ANOS1: variants seen among roughly 807,000 people sequenced by gnomAD.
ANOS1 encodes anosmin-1.
A neutral mutation model predicts 59.0 loss-of-function variants in ANOS1; 6 were observed. That is an observed-to-expected ratio of 0.10 (90% CI 0.06 to 0.20). The LOEUF is 0.20. Among genes scored for constraint, ANOS1 ranks in the 10% least tolerant of loss-of-function variants. The pLI, the probability that ANOS1 is intolerant of heterozygous loss-of-function variation, is 1.00. For synonymous variants in ANOS1, 217 were observed against 223.4 expected (o/e 0.97, Z 0.25); for missense variants, 433 against 542.3 (o/e 0.80, Z 2.00).
intron 2 of ANOS1, among the ~76,000 whole-genome samples, chrX:8,655,995 G>A (rs191952831): frequency 2.2e-4 from 25 of 111,872 alleles, no homozygotes; most frequent in African/African-American, 8.1e-4. Flanking sequence ...TTGATTCCAG[G>A]AATCCTAGAA....
chrX:8,546,505 C>T (rs1359516913), intron 9 of ANOS1, among the ~76,000 whole-genome samples: 1 of 112,086 alleles, frequency 8.9e-6, no homozygotes, highest in East Asian at 2.8e-4. Context: ...GAGCTGTTCT[C>T]AGCTCCTAAT....
chrX:8,669,202 C>T (rs1255955709), intron 2 of ANOS1, among the ~76,000 whole-genome samples: 1 of 111,317 alleles, frequency 9.0e-6, no homozygotes, highest in Non-Finnish European at 1.9e-5. Context: ...CTTATGAAGA[C>T]AACAAGAAGA....
chrX:8,616,194 C>T (rs1217878079), intron 3 of ANOS1, among the ~76,000 whole-genome samples: 8 of 111,078 alleles, frequency 7.2e-5, no homozygotes, highest in African/African-American at 2.6e-4. Context: ...AGCTCCCTGT[C>T]GCAGAATCCG....
intron 2 of ANOS1, among the ~76,000 whole-genome samples, chrX:8,626,730 G>A (rs1183300952): frequency 1.9e-5 from 2 of 107,781 alleles, no homozygotes; most frequent in East Asian, 5.8e-4. Context: ...GCGTGGTGGC[G>A]GGCGCCTGTA....
At chrX:8,549,543 A>G (rs1381960547) in intron 9 of ANOS1, among the ~76,000 whole-genome samples, 1 of 112,511 alleles carries the variant, frequency 8.9e-6, no homozygotes, top group Non-Finnish European at 1.9e-5. Flanking sequence ...GAAAACATTG[A>G]GAGTCAGTCC....
intron 1 of ANOS1, among the ~76,000 whole-genome samples, chrX:8,704,554 A>G (rs1038070450): frequency 8.9e-6 from 1 of 112,532 alleles, no homozygotes; most frequent in Non-Finnish European, 1.9e-5. Context: ...CATTGCGTTG[A>G]GCAAGGCATT....
chrX:8,730,011 T>C (rs918545297), intron 1 of ANOS1, among the ~76,000 whole-genome samples: 1 of 111,524 alleles, frequency 9.0e-6, no homozygotes, highest in African/African-American at 3.3e-5. Flanking sequence ...GTCAGCAGTT[T>C]TTCTTCCAAA....
At chrX:8,581,706 C>A (rs1280156839) in intron 6 of ANOS1, among the ~76,000 whole-genome samples, 1 of 112,082 alleles carries the variant, frequency 8.9e-6, no homozygotes, top group Non-Finnish European at 1.9e-5. Context: ...CCCTACCTTT[C>A]TCAAGCTCAT....
At chrX:8,662,701 T>C (rs1038738810) in intron 2 of ANOS1, among the ~76,000 whole-genome samples, 1 of 112,077 alleles carries the variant, frequency 8.9e-6, no homozygotes, top group African/African-American at 3.2e-5. Context: ...AATTTGTACA[T>C]AGACAGAGAT....
chrX:8,534,357 G>A lies in ANOS1; in HGVS notation c.1946C>T (p.Thr649Met), dbSNP rs759387307. Residue 649 changes from threonine (T) to methionine (M), a missense_variant, in exon 13 of 14, where the codon ACG becomes ATG. By Grantham distance (81) the Thr-to-Met change is moderately conservative (BLOSUM62 -1). Coordinates refer to ENST00000262648, the MANE Select transcript of ANOS1 (RefSeq NM_000216.4). ...GGGTGGGAGCTCCGGCGTCCGGAAC[G>A]TCTTGATGGTGGCCGGCCCCTCCCC... ...PGGEGPATIK[T>M]FRTPELPPSS... 2.5e-5 allele frequency: 30 copies of A among 1,209,659 alleles called. 1 individual carries two copies. In the South Asian group the frequency reaches 4.4e-4, roughly 18 times the overall value.
Position 8,717,748 on chromosome X carries a change from C to T in ANOS1, c.207+14082G>A, listed in dbSNP as rs1406198342. 2.7e-5 allele frequency among the ~76,000 whole-genome samples: 3 copies of T among 112,187 alleles called. No homozygotes were observed. In the East Asian group the frequency reaches 8.4e-4, roughly 31 times the overall value. On this transcript the variant is annotated intron_variant, in intron 1 of 13. Transcript: ENST00000262648. ...TGGGCTGACCTGGCACAGTGGCTCA[C>T]ACCTGTAATCCCAGCACTTTGGGAA...
At chrX:8,701,865 ATCT>A (rs1261179413) in intron 1 of ANOS1, among the ~76,000 whole-genome samples, 2 of 111,634 alleles carry the variant, frequency 1.8e-5, no homozygotes, top group Admixed American at 9.6e-5. Context: ...AGGATTGGCA[ATCT>A]TCTTCTTCAA....
intron 6 of ANOS1, among the ~76,000 whole-genome samples, chrX:8,578,972 A>G (rs899465545): frequency 2.7e-5 from 3 of 112,425 alleles, no homozygotes; most frequent in Non-Finnish European, 5.6e-5. Flanking sequence ...ATTATTTCCC[A>G]AATTCAGCAA....
At chrX:8,604,150 G>A (rs778126936) in intron 3 of ANOS1, among the ~76,000 whole-genome samples, 4 of 112,002 alleles carry the variant, frequency 3.6e-5, no homozygotes, top group African/African-American at 9.7e-5. Context: ...TCTGGGCAAC[G>A]ATGAGAGCTA....
intron 2 of ANOS1, among the ~76,000 whole-genome samples, chrX:8,688,270 AG>A (rs1569083300): frequency 8.9e-6 from 1 of 111,927 alleles, no homozygotes. Context: ...CTCAAATATA[AG>A]GGTCCCCAAA....
At chrX:8,664,244 G>A (rs989117478) in intron 2 of ANOS1, among the ~76,000 whole-genome samples, 28 of 111,951 alleles carry the variant, frequency 2.5e-4, no homozygotes, top group Non-Finnish European at 3.0e-4. Flanking sequence ...AGGCCGGAGT[G>A]CAGTGGCGCG....
Position 8,570,690 on chromosome X carries a change from G to T in ANOS1, c.871C>A (p.Pro291Thr), listed in dbSNP as rs370632378. ...FRSSKDPSAP[P>T]APANLRLANS... ...GCCAGCCGGAGGTTAGCCGGTGCTG[G>T]TGGGGCAGATGGATCTGAAATCCCA... The change falls in exon 7 of 14, where the codon CCA becomes ACA. Residue 291 changes from proline (P) to threonine (T), a missense_variant. Transcript: ENST00000262648. 53 of 1,210,682 alleles carry T rather than the reference G, an allele frequency of 4.4e-5. No homozygotes were observed. Among genetic ancestry groups the T allele is most frequent in the South Asian group, 7.0e-5 (4 of 56,847 alleles).
At position 8,664,338 on chromosome X, in the gene ANOS1, G is replaced by C. The variant is rs753243256; in HGVS notation, c.255+35360C>G. On this transcript the variant is annotated intron_variant, in intron 2 of 13. Coordinates refer to ENST00000262648, the MANE Select transcript of ANOS1 (RefSeq NM_000216.4). ...CCCGAGTAGCTGGGACTACAGGAGT[G>C]CGCCACCACGCCCGGCTAATTTTTT... 5.7e-3 allele frequency among the ~76,000 whole-genome samples: 631 copies of C among 110,443 alleles called. 7 individuals are homozygous for C. Among genetic ancestry groups the C allele is most frequent in the African/African-American group, 0.019 (576 of 30,312 alleles).
At chrX:8,619,596 C>A (rs929195061) in intron 3 of ANOS1, among the ~76,000 whole-genome samples, 9 of 111,301 alleles carry the variant, frequency 8.1e-5, no homozygotes, top group Admixed American at 1.9e-4. Flanking sequence ...GAGCAAGACT[C>A]CGTCTCAAAA....
Sources: gnomAD v4.1 joint callset for allele counts (sites outside exome capture counted in the v4.1 genomes callset) on GRCh38, gnomAD v4.1.1 for gene constraint, MANE v1.5 for transcripts, NCBI Gene and HGNC (gene_info 2026-07-23, HGNC 2026-07-21) for gene names.